METTL4: variants seen among roughly 807,000 people sequenced by gnomAD.
METTL4 encodes the protein N(6)-adenine-specific methyltransferase METTL4.
In METTL4, 40 loss-of-function variants were observed where a neutral mutation model predicts 54.0. The ratio of observed to expected loss-of-function variants is 0.74; its 90% CI spans 0.58 to 0.96. The LOEUF (loss-of-function observed/expected upper bound fraction) is 0.96. METTL4 is among the 50% of genes least tolerant of loss of function. The pLI is 0.00. For synonymous variants in METTL4, 169 were observed against 183.8 expected, an observed-to-expected ratio of 0.92 and a Z score of 0.65; for missense variants, 525 against 549.0, an observed-to-expected ratio of 0.96 and a Z score of 0.44.
At chr18:2,557,853 AATT>A (rs2072261550) in intron 3 of METTL4, among the ~76,000 whole-genome samples, 1 of 152,202 alleles carries the variant, frequency 6.6e-6, no homozygotes, top group Admixed American at 6.5e-5. Flanking sequence ...AAAGCAAGCT[AATT>A]TGTTAGCTTC....
At chr18:2,539,847 C>T (rs986805606) in intron 8 of METTL4, 10 of 848,772 alleles carry the variant, frequency 1.2e-5, no homozygotes, top group Non-Finnish European at 1.4e-5. Flanking sequence ...AAAAACAACC[C>T]ATTTAAAAAA....
intron 2 of METTL4, among the ~76,000 whole-genome samples, chr18:2,565,860 A>T (rs1339050715): frequency 6.6e-6 from 1 of 152,110 alleles, no homozygotes; most frequent in Non-Finnish European, 1.5e-5. Context: ...CCCTGGCTTA[A>T]CACAGTGAAG....
intron 3 of METTL4, among the ~76,000 whole-genome samples, chr18:2,560,521 G>A (rs1161837566): frequency 1.3e-5 from 2 of 152,098 alleles, no homozygotes; most frequent in African/African-American, 2.4e-5. Context: ...ATATAAGGCC[G>A]AAGAAGTAAA....
At chr18:2,554,483 TTTA>T in intron 4 of METTL4, 183 bp downstream of exon 4, 1 of 552,476 alleles carries the variant, frequency 1.8e-6, no homozygotes, top group Non-Finnish European at 3.1e-6. Flanking sequence ...ATTCACAATA[TTTA>T]TTTTTTTAAA....
intron 3 of METTL4, 144 bp from the exon 4 acceptor site, chr18:2,555,182 G>A: frequency 1.1e-6 from 1 of 880,624 alleles, no homozygotes. Flanking sequence ...TGAAAAGAAT[G>A]TGTGAGCACG....
Position 2,566,805 on chromosome 18 carries a change from T to C in METTL4, c.396+16A>G. ...TGTTTTCTGGAGAAAAATAAATATTTCTTAAAACTTTCTACCTTCCCAATA... is the reference window on the plus strand; with the variant it reads ...TGTTTTCTGGAGAAAAATAAATATTCCTTAAAACTTTCTACCTTCCCAATA... On this transcript the variant is annotated intron_variant, in intron 2 of 8. Transcript: ENST00000574538. 2 of 1,512,138 alleles carry C rather than the reference T, an allele frequency of 1.3e-6. No homozygotes were observed. The highest frequency in any genetic ancestry group is 1.8e-6 in the Non-Finnish European group (2 of 1,126,128). The allele number at this position is 1,512,138 out of a possible 1,614,324, so 93.7% of individuals were successfully genotyped here. A position where few individuals can be genotyped will look rare whatever the true frequency, so the allele number is the denominator to read the frequency against.
Position 2,538,909 on chromosome 18 carries a change from G to C in METTL4, c.*91C>G. The C allele has an allele frequency of 1.4e-6, 2 of 1,381,842 alleles. No homozygotes were observed. Among genetic ancestry groups the C allele is most frequent in the Non-Finnish European group, 2.0e-6 (2 of 1,005,320 alleles). The allele number at this position is 1,381,842 out of a possible 1,614,324, so 85.6% of individuals were successfully genotyped here. ...AGTCCTGTTTATATTCTAAGAATATGGGTTGGTAACAAAATAAAAAAATGA... is the reference window on the plus strand; with the variant it reads ...AGTCCTGTTTATATTCTAAGAATATCGGTTGGTAACAAAATAAAAAAATGA... On this transcript the variant is annotated 3_prime_UTR_variant, in exon 9 of 9. Coordinates refer to ENST00000574538, the MANE Select transcript of METTL4 (RefSeq NM_022840.5).
chr18:2,542,351 C>G (rs530294097), intron 8 of METTL4, among the ~76,000 whole-genome samples: 3 of 117,952 alleles, frequency 2.5e-5, no homozygotes, highest in Non-Finnish European at 5.2e-5. Context: ...TGCTATCCCT[C>G]CCCCCTCCCC....
intron 1 of METTL4, among the ~76,000 whole-genome samples, chr18:2,569,382 CA>C (rs969640822): frequency 5.0e-4 from 76 of 152,294 alleles, no homozygotes; most frequent in African/African-American, 1.8e-3. Flanking sequence ...TGATTCCCAT[CA>C]TAACTGGTGG....
chr18:2,554,443 G>A (rs2072206543), intron 4 of METTL4: 1 of 485,086 alleles, frequency 2.1e-6, no homozygotes, highest in African/African-American at 2.0e-5. Context: ...AACTATATTT[G>A]TTCTCTTAGA....
At chr18:2,547,559 A>G in intron 5 of METTL4, 30 bp from the exon 6 acceptor site, 1 of 1,522,144 alleles carries the variant, frequency 6.6e-7, no homozygotes, top group South Asian at 1.3e-5. Context: ...AGGATGAGCA[A>G]AATTCACTGC....
intron 3 of METTL4, among the ~76,000 whole-genome samples, chr18:2,563,000 G>T (rs1175881922): frequency 2.0e-5 from 3 of 151,924 alleles, no homozygotes; most frequent in Non-Finnish European, 4.4e-5. Context: ...CAACAAGACC[G>T]AATTCCAGAC....
chr18:2,544,260 A>T lies in METTL4; in HGVS notation c.1208T>A (p.Ile403Asn). 6.2e-7 allele frequency: 1 copy of T among 1,613,418 alleles called. No homozygotes were observed. The highest frequency in any genetic ancestry group is 8.5e-7 in the Non-Finnish European group (1 of 1,179,662). Residue 403 changes from isoleucine to asparagine, a missense_variant, in exon 8 of 9, where the codon ATT (isoleucine) becomes AAT (asparagine). Physicochemically the swap from Ile to Asn is moderately radical, Grantham distance 149. Transcript: ENST00000574538. ...GCTGACAATTAATTTGTGGTCTGGA[A>T]TGGGGAGCACGTTTACATCTGCATT... The part of the protein sequence containing the change: ...LRNADVNVLP[I>N]PDHKLIVSVP...
At chr18:2,559,417 AG>A (rs2072283377) in intron 3 of METTL4, among the ~76,000 whole-genome samples, 1 of 150,992 alleles carries the variant, frequency 6.6e-6, no homozygotes, top group Non-Finnish European at 1.5e-5. Flanking sequence ...GACAGAAAGT[AG>A]AATACTAGTT....
intron 5 of METTL4, among the ~76,000 whole-genome samples, chr18:2,550,295 T>G (rs1326370174): frequency 6.6e-6 from 1 of 152,128 alleles, no homozygotes; most frequent in East Asian, 1.9e-4. Flanking sequence ...TGGAAATCAC[T>G]GAGCAAATTC....
Position 2,537,978 on chromosome 18 carries a change from A to G in METTL4, c.*1022T>C. ...GGTAAAGAAAGTGTTCTGTATCATG[A>G]TCACTGTGGCAGACAGACAACTGTA... On this transcript the variant is annotated 3_prime_UTR_variant, in exon 9 of 9. Transcript: ENST00000574538. 2.5e-6 allele frequency: 1 copy of G among 398,544 alleles called. No individual in the cohort carries two copies. Among genetic ancestry groups the G allele is most frequent in the South Asian group, 1.3e-4 (1 of 7,856 alleles). 24.7% of individuals were successfully genotyped at this position (398,544 alleles called of 1,614,324 possible).
chr18:2,544,294 A>G lies in METTL4; in HGVS notation c.1182-8T>C. ...ACGTTTACATCTGCATTCCTAATTA[A>G]ACAGAACAAGAAAGTAAACTATATT... On this transcript the variant is annotated splice_polypyrimidine_tract_variant and splice_region_variant and intron_variant, in intron 7 of 8. Coordinates refer to ENST00000574538, the MANE Select transcript of METTL4 (RefSeq NM_022840.5). The G allele has an allele frequency of 1.3e-6, 2 of 1,599,322 alleles. No homozygotes were observed. The highest frequency in any genetic ancestry group is 1.7e-6 in the Non-Finnish European group (2 of 1,170,464).
At chr18:2,568,420 G>A (rs1410644672) in intron 1 of METTL4, 1 of 150,324 alleles carries the variant, frequency 6.7e-6, no homozygotes, top group Non-Finnish European at 1.5e-5. Flanking sequence ...AGGAGTAGGA[G>A]TACCTCTCAA....
At chr18:2,565,281 A>G (rs1001220996) in intron 2 of METTL4, among the ~76,000 whole-genome samples, 15 of 152,058 alleles carry the variant, frequency 9.9e-5, no homozygotes, top group South Asian at 8.3e-4. Flanking sequence ...TCCGTCTCAA[A>G]AAAAAAAAGG....
Sources: allele counts gnomAD v4.1 joint callset (sites outside exome capture counted in the v4.1 genomes callset), GRCh38; gene constraint gnomAD v4.1.1; transcripts MANE v1.5; gene names NCBI Gene and HGNC (gene_info 2026-07-23, HGNC 2026-07-21).